Variants in ASPA observed in about 807,000 individuals in gnomAD.
ASPA encodes the protein ACY-2.
Under a neutral mutation model 29.6 loss-of-function variants are expected in ASPA, and 25 were observed. That is an observed-to-expected ratio of 0.85 (90% CI 0.62 to 1.18). ASPA has a LOEUF of 1.18. Among genes scored for constraint, ASPA ranks in the 50% most tolerant of loss-of-function variants. The pLI, the probability that ASPA is intolerant of heterozygous loss-of-function variation, is 0.00. For missense variants in ASPA, 333 were observed against 385.7 expected, an observed-to-expected ratio of 0.86 and a Z score of 1.14; for synonymous variants, 131 against 130.3, an observed-to-expected ratio of 1.01 and a Z score of -0.04.
At chr17:3,474,329 G>A, upstream of ASPA, among the ~76,000 whole-genome samples, 1 of 152,252 alleles carries the variant, frequency 6.6e-6, no homozygotes, top group Admixed American at 6.5e-5. Flanking sequence ...CAAGTCATTT[G>A]TGCCAGCTAC....
chr17:3,476,683 A>T (rs369960003), intron 1 of ASPA, among the ~76,000 whole-genome samples: 69 of 152,320 alleles, frequency 4.5e-4, no homozygotes, highest in African/African-American at 1.7e-3. Flanking sequence ...GTTTTGTTTT[A>T]AAATCATACC....
intron 5 of ASPA, among the ~76,000 whole-genome samples, chr17:3,494,793 A>G (rs889987699): frequency 1.5e-4 from 23 of 152,336 alleles, no homozygotes; most frequent in South Asian, 1.5e-3. Context: ...AGACAAGGCC[A>G]CTTAGAGAAA....
chr17:3,497,707 G>A (rs557972120), intron 5 of ASPA, among the ~76,000 whole-genome samples: 8 of 152,286 alleles, frequency 5.3e-5, no homozygotes, highest in South Asian at 2.1e-4. Context: ...TGTCGTGCAC[G>A]TGAACGTCAA....
Position 3,499,263 on chromosome 17 carries a change from C to A in ASPA, c.*175C>A. ...TTAATTAATATATCTTTAAAGATATCATATTTTATGTATGTAGCTTATTCA... is the reference window on the plus strand; with the variant it reads ...TTAATTAATATATCTTTAAAGATATAATATTTTATGTATGTAGCTTATTCA... On this transcript the variant is annotated 3_prime_UTR_variant, in exon 6 of 6. Transcript: ENST00000263080. 1.8e-6 allele frequency: 1 copy of A among 550,746 alleles called. No individual in the cohort carries two copies. The highest frequency in any genetic ancestry group is 3.1e-6 in the Non-Finnish European group (1 of 322,988). 34.1% of individuals were successfully genotyped at this position (550,746 alleles called of 1,614,324 possible).
In ASPA at chr17:3,483,544, C is replaced by A. The variant is rs1342547785; in HGVS notation, c.478C>A (p.Pro160Thr). Reference sequence around the variant, plus strand: ...CTGCTACGTTTATCTGATTGAGCATCCTTCCCTCAAATATGCGACCACTCG... The same window carrying A: ...CTGCTACGTTTATCTGATTGAGCATACTTCCCTCAAATATGCGACCACTCG... Reference protein sequence around the residue: ...LPCYVYLIEHPSLKYATTRSI... With the variant: ...LPCYVYLIEHTSLKYATTRSI... The change falls in exon 3 of 6, where the codon CCT (proline) becomes ACT (threonine). Residue 160 changes from proline (P) to threonine (T), a missense_variant. By Grantham distance (38) the Pro-to-Thr change is conservative (BLOSUM62 -1). Coordinates refer to ENST00000263080, the MANE Select transcript of ASPA (RefSeq NM_000049.4). 6.2e-7 allele frequency: 1 copy of A among 1,614,176 alleles called. No homozygotes were observed. Among genetic ancestry groups the A allele is most frequent in the South Asian group, 1.1e-5 (1 of 91,080 alleles).
intron 1 of ASPA, among the ~76,000 whole-genome samples, chr17:3,476,742 C>A (rs933922679): frequency 1.3e-5 from 2 of 152,140 alleles, no homozygotes; most frequent in African/African-American, 4.8e-5. Flanking sequence ...AGTGTTTGGC[C>A]ACTATGCTTG....
At chr17:3,497,591 T>C (rs1266210104) in intron 5 of ASPA, among the ~76,000 whole-genome samples, 3 of 152,202 alleles carry the variant, frequency 2.0e-5, no homozygotes, top group South Asian at 2.1e-4. Context: ...TTATCTGAAA[T>C]GGGCCAGCCC....
At chr17:3,477,578 G>A (rs938801786) in intron 1 of ASPA, among the ~76,000 whole-genome samples, 4 of 151,826 alleles carry the variant, frequency 2.6e-5, no homozygotes, top group South Asian at 2.1e-4. Context: ...TCAACCTCCC[G>A]AGTAGCTGGG....
intron 3 of ASPA, among the ~76,000 whole-genome samples, chr17:3,484,747 C>A (rs1268767739): frequency 6.6e-6 from 1 of 152,198 alleles, no homozygotes; most frequent in Non-Finnish European, 1.5e-5. Flanking sequence ...AATTTCTGTA[C>A]ATATCTCGCC....
At chr17:3,494,216 C>G in intron 4 of ASPA, 134 bp from the exon 5 acceptor site, 1 of 678,130 alleles carries the variant, frequency 1.5e-6, no homozygotes, top group South Asian at 1.4e-5. Context: ...GTTGGCCAGG[C>G]TGTTCTCGAA....
chr17:3,494,439 A>G lies in ASPA; in HGVS notation c.724A>G (p.Ile242Val), dbSNP rs1340813273. Reference protein sequence around the residue: ...PRDENGEIAAIIHPNLQDQDW... With the variant: ...PRDENGEIAAVIHPNLQDQDW... ...GGATGAAAATGGAGAAATTGCTGCT[A>G]TCATCCATCCTAATCTGCAGGTAAC... Residue 242 changes from isoleucine (I) to valine (V), a missense_variant, in exon 5 of 6, where the codon ATC becomes GTC. Coordinates refer to ENST00000263080, the MANE Select transcript of ASPA (RefSeq NM_000049.4). The G allele has an allele frequency of 3.7e-6, 6 of 1,608,390 alleles. No individual in the cohort carries two copies. Among genetic ancestry groups the G allele is most frequent in the South Asian group, 1.1e-5 (1 of 90,982 alleles).
At position 3,502,593 on chromosome 17, in the gene ASPA, T is replaced by C. The variant is rs1039744163; in HGVS notation, c.*3505T>C. 1 of 152,236 alleles carries C rather than the reference T, an allele frequency of 6.6e-6. No homozygotes were observed. Among genetic ancestry groups the C allele is most frequent in the African/African-American group, 2.4e-5 (1 of 41,462 alleles). 9.4% of individuals were successfully genotyped at this position (152,236 alleles called of 1,614,324 possible). A position where few individuals can be genotyped will look rare whatever the true frequency, so the allele number is the denominator to read the frequency against. On this transcript the variant is annotated 3_prime_UTR_variant, in exon 6 of 6. Transcript: ENST00000263080. ...ATATGAAAGAGAAACAAGGGCTTAA[T>C]GGTAAAGATGACATATGACTATATT... is the stretch of plus-strand genomic sequence containing the variant.
intron 5 of ASPA, among the ~76,000 whole-genome samples, chr17:3,496,253 C>A (rs1311854958): frequency 6.6e-6 from 1 of 152,202 alleles, no homozygotes; most frequent in African/African-American, 2.4e-5. Context: ...GAAGGTTCCT[C>A]ATGGAGCTTC....
rs967025908 is a variant in ASPA at position 3,490,362 on chromosome 17, T to TA, written c.634+1027dup. 2.2e-4 allele frequency among the ~76,000 whole-genome samples: 34 copies of TA among 152,292 alleles called. No homozygotes were observed. The highest frequency in any genetic ancestry group is 1.9e-3 in the Admixed American group (29 of 15,296). Reference sequence around the variant, plus strand: ...ACTGCACTAAAAAGTCTATTAGTTATAAAAAAAGTTTACTTTAAAATGGAA... The same window carrying TA: ...ACTGCACTAAAAAGTCTATTAGTTATAAAAAAAAGTTTACTTTAAAATGGAA... On this transcript the variant is annotated intron_variant, in intron 4 of 5. Transcript: ENST00000263080. This position sits in a 1 kb window ranked among gnomAD's most constrained non-coding sequence, Gnocchi z 4.6.
chr17:3,491,525 T>C (rs771851879), intron 4 of ASPA, among the ~76,000 whole-genome samples: 1 of 152,162 alleles, frequency 6.6e-6, no homozygotes. Flanking sequence ...GGCAGGCAGA[T>C]CACTTGAGGT....
At chr17:3,493,379 G>T (rs551801872) in intron 4 of ASPA, among the ~76,000 whole-genome samples, 1 of 152,078 alleles carries the variant, frequency 6.6e-6, no homozygotes, top group Admixed American at 6.5e-5. Context: ...TGGCCAACAT[G>T]GTGAGACCCC....
chr17:3,487,491 A>G (rs1021329729), intron 3 of ASPA, among the ~76,000 whole-genome samples: 4 of 152,204 alleles, frequency 2.6e-5, no homozygotes, highest in South Asian at 2.1e-4. Flanking sequence ...AGCATTGCCT[A>G]CAAATATCAT....
chr17:3,493,862 G>A (rs190496198), intron 4 of ASPA, among the ~76,000 whole-genome samples: 2 of 152,198 alleles, frequency 1.3e-5, no homozygotes, highest in African/African-American at 4.8e-5. Flanking sequence ...GGCCGTCGGC[G>A]TGTTTGTGGA....
At chr17:3,494,164 A>T (rs2073871899) in intron 4 of ASPA, among the ~76,000 whole-genome samples, 186 bp from the exon 5 acceptor site, 1 of 151,740 alleles carries the variant, frequency 6.6e-6, no homozygotes, top group Non-Finnish European at 1.5e-5. Flanking sequence ...TAACTAGGAT[A>T]ATCCCAACCT....
Sources: gnomAD v4.1 joint callset for allele counts (sites outside exome capture counted in the v4.1 genomes callset) on GRCh38, gnomAD v4.1.1 for gene constraint, Gnocchi (gnomAD v3.1) non-coding constraint, MANE v1.5 for transcripts, NCBI Gene and HGNC (gene_info 2026-07-23, HGNC 2026-07-21) for gene names.